SARS1: variants seen among roughly 807,000 people sequenced by gnomAD.
SARS1 encodes seryl-tRNA synthetase 1.
A neutral mutation model predicts 63.7 loss-of-function variants in SARS1; 25 were observed. The observed-to-expected ratio is 0.39, with a 90% confidence interval of 0.29 to 0.55. The LOEUF (loss-of-function observed/expected upper bound fraction) is 0.55, where lower values mean the gene tolerates loss of function less well. SARS1 is among the 20% of genes least tolerant of loss of function. The pLI is 0.62. For missense variants in SARS1, 417 were observed against 649.7 expected (o/e 0.64, Z 3.89); for synonymous variants, 231 against 243.5 (o/e 0.95, Z 0.48).
Position 109,214,236 on chromosome 1 carries a change from CT to C in SARS1, c.136+109del. The stretch of plus-strand genomic sequence containing the variant: ...CAGCTTCCACCCTTCGTCAGACCCC[CT>C]CCCAGGGTGCGGTGGCTCCGAGGTT... On this transcript the variant is annotated intron_variant, in intron 1 of 10. Transcript: ENST00000234677. This position sits in a 1 kb window ranked among gnomAD's most constrained non-coding sequence, Gnocchi z 4.6. The C allele has an allele frequency of 2.2e-6, 3 of 1,342,834 alleles. No homozygotes were observed. The highest frequency in any genetic ancestry group is 3.0e-6 in the Non-Finnish European group (3 of 988,890). 83.2% of individuals were successfully genotyped at this position (1,342,834 alleles called of 1,614,324 possible).
chr1:109,215,024 G>T (rs766075285), intron 1 of SARS1: 40 of 985,374 alleles, frequency 4.1e-5, no homozygotes, highest in Non-Finnish European at 4.6e-5. Context: ...AACCATCTGG[G>T]AGCTAGGTCG....
rs1654743359 is a variant in SARS1, at chr1:109,214,608, A to T, written c.136+480A>T. The T allele has an allele frequency of 1.0e-6, 1 of 985,948 alleles. No individual in the cohort carries two copies. Among genetic ancestry groups the T allele is most frequent in the South Asian group, 4.7e-5 (1 of 21,346 alleles). The allele number at this position is 985,948 out of a possible 1,614,324, so 61.1% of individuals were successfully genotyped here. A position where few individuals can be genotyped will look rare whatever the true frequency, so the allele number is the denominator to read the frequency against. Reference sequence around the variant, plus strand: ...AACACAGTAGATTCATTCCTTCGGTATCGGAAGCATTTCGGGGCGTTGGAG... The same window carrying T: ...AACACAGTAGATTCATTCCTTCGGTTTCGGAAGCATTTCGGGGCGTTGGAG... On this transcript the variant is annotated intron_variant, in intron 1 of 10. Coordinates refer to ENST00000234677, the MANE Select transcript of SARS1 (RefSeq NM_006513.4). The surrounding 1 kb of genome is among the most constrained non-coding windows in gnomAD (Gnocchi z 4.6).
intron 5 of SARS1, 179 bp from the exon 6 acceptor site, chr1:109,231,451 GT>G (rs1254449397): frequency 6.8e-6 from 3 of 443,830 alleles, no homozygotes; most frequent in Admixed American, 8.5e-5. Flanking sequence ...GGGCTTCAGT[GT>G]TCAGAACGAA....
Position 109,236,120 on chromosome 1 carries a change from C to G in SARS1, c.1099+14C>G. 1 of 1,606,444 alleles carries G rather than the reference C, an allele frequency of 6.2e-7. No homozygotes were observed. Among genetic ancestry groups the G allele is most frequent in the Non-Finnish European group, 8.5e-7 (1 of 1,176,782 alleles). ...ATATTGTCTCAGGTATGGGACCCAG[C>G]CTCTTCTCAGCCTCCCTTTCCTGTA... On this transcript the variant is annotated intron_variant, in intron 8 of 10. Transcript: ENST00000234677.
intron 2 of SARS1, among the ~76,000 whole-genome samples, chr1:109,225,633 C>CA (rs1655047589): frequency 6.6e-6 from 1 of 152,202 alleles, no homozygotes; most frequent in Admixed American, 6.5e-5. Flanking sequence ...GTAGAGCACT[C>CA]GAAAGCATTC....
At chr1:109,222,895 G>T (rs890296090) in intron 1 of SARS1, among the ~76,000 whole-genome samples, 3 of 152,140 alleles carry the variant, frequency 2.0e-5, no homozygotes, top group Non-Finnish European at 4.4e-5. Context: ...CACACCTGTA[G>T]TCCTAGCTGC....
At chr1:109,221,970 GTATATATATATA>G (rs773937466) in intron 1 of SARS1, among the ~76,000 whole-genome samples, 1,706 of 27,860 alleles carry the variant, frequency 0.061, 153 homozygotes, top group African/African-American at 0.1. Context: ...TTGTGTGTGT[GTATATATATATA>G]TATATATATA....
chr1:109,228,214 T>C (rs1438125482), intron 2 of SARS1, 138 bp from the exon 3 acceptor site: 6 of 642,602 alleles, frequency 9.3e-6, no homozygotes, highest in Non-Finnish European at 1.5e-5. Flanking sequence ...TTTTCCTACA[T>C]GTTGTATCTT....
At chr1:109,219,711 C>T (rs2485323) in intron 1 of SARS1, among the ~76,000 whole-genome samples, 35,449 of 151,840 alleles carry the variant, frequency 0.23, 4,367 homozygotes, top group East Asian at 0.43. Context: ...GCTGGGGTTT[C>T]ACCATGTTAG....
rs1006708221 is a variant in SARS1 at position 109,229,405 on chromosome 1, C to G, written c.289-9C>G. 1 of 1,613,344 alleles carries G rather than the reference C, an allele frequency of 6.2e-7. No individual in the cohort carries two copies. The highest frequency in any genetic ancestry group is 8.5e-7 in the Non-Finnish European group (1 of 1,179,712). Reference sequence around the variant, plus strand: ...GTCCTGCTTATGGGCCTGGCCTGTTCATCTGCAGAACCTGAAAGTCTCACA... The same window carrying G: ...GTCCTGCTTATGGGCCTGGCCTGTTGATCTGCAGAACCTGAAAGTCTCACA... On this transcript the variant is annotated splice_polypyrimidine_tract_variant and intron_variant, in intron 3 of 10. Transcript: ENST00000234677.
intron 5 of SARS1, 23 bp from the exon 6 acceptor site, chr1:109,231,608 G>A (rs1456735868): frequency 8.9e-6 from 13 of 1,465,620 alleles, no homozygotes; most frequent in East Asian, 2.6e-5. Flanking sequence ...CAATCACATA[G>A]TACTGTGTCT....
At chr1:109,231,172 C>A in intron 5 of SARS1, 151 bp downstream of exon 5, 1 of 391,044 alleles carries the variant, frequency 2.6e-6, no homozygotes. Context: ...AATGTATTGG[C>A]AATTAGATGC....
At chr1:109,217,255 C>G (rs1186953453) in intron 1 of SARS1, 1 of 511,008 alleles carries the variant, frequency 2.0e-6, no homozygotes, top group East Asian at 1.5e-4. Context: ...TACACATACC[C>G]TACTGAATAT....
At chr1:109,215,683 T>A in intron 1 of SARS1, 1 of 938,452 alleles carries the variant, frequency 1.1e-6, no homozygotes, top group East Asian at 1.2e-4. Flanking sequence ...ATCCTAAATG[T>A]GAAGTCATTT....
chr1:109,223,158 G>A (rs764274391), intron 1 of SARS1, among the ~76,000 whole-genome samples: 1 of 152,190 alleles, frequency 6.6e-6, no homozygotes, highest in Non-Finnish European at 1.5e-5. Flanking sequence ...ACCAGTTAGT[G>A]CCTGTCTTCC....
At chr1:109,231,426 C>T in intron 5 of SARS1, 1 of 398,084 alleles carries the variant, frequency 2.5e-6, no homozygotes. Context: ...TAACGGTGTG[C>T]CTGGATGATT....
intron 1 of SARS1, among the ~76,000 whole-genome samples, chr1:109,221,122 G>T (rs1235455947): frequency 1.3e-5 from 2 of 149,598 alleles, no homozygotes; most frequent in African/African-American, 5.0e-5. Context: ...ATGCAGTGGC[G>T]TGACCTCAGC....
In SARS1 at chr1:109,237,926, G is replaced by A; in HGVS notation, c.*38G>A. Reference sequence around the variant, plus strand: ...CCCTATTTGCCAGGCTTTCATTTCTGTCTGCTGAGATCTCAGAGCCTGCCC... The same window carrying A: ...CCCTATTTGCCAGGCTTTCATTTCTATCTGCTGAGATCTCAGAGCCTGCCC... On this transcript the variant is annotated 3_prime_UTR_variant, in exon 11 of 11. Coordinates refer to ENST00000234677, the MANE Select transcript of SARS1 (RefSeq NM_006513.4). This position sits in a 1 kb window ranked among gnomAD's most constrained non-coding sequence, Gnocchi z 4.1. 6.2e-7 allele frequency: 1 copy of A among 1,609,046 alleles called. No individual in the cohort carries two copies. The highest frequency in any genetic ancestry group is 8.5e-7 in the Non-Finnish European group (1 of 1,177,048).
In SARS1 at chr1:109,219,262, C is replaced by CATATATATATATATATATATAT. The variant is rs142272817; in HGVS notation, c.137-4710_137-4689dup. 4.9e-3 allele frequency among the ~76,000 whole-genome samples: 379 copies of CATATATATATATATATATATAT among 76,736 alleles called. 6 individuals carry two copies. Among genetic ancestry groups the CATATATATATATATATATATAT allele is most frequent in the Non-Finnish European group, 6.4e-3 (228 of 35,630 alleles). The allele number at this position is 76,736 out of a possible 152,430, so 50.3% of individuals were successfully genotyped here. A position where few individuals can be genotyped will look rare whatever the true frequency, so the allele number is the denominator to read the frequency against. ...GCCTGGGCGATAGAGCAAGACTCTCCATATATATATATATATATATATATA... is the reference window on the plus strand; with the variant it reads ...GCCTGGGCGATAGAGCAAGACTCTCCATATATATATATATATATATATATATATATATATATATATATATATA... On this transcript the variant is annotated intron_variant, in intron 1 of 10. Coordinates refer to ENST00000234677, the MANE Select transcript of SARS1 (RefSeq NM_006513.4).
Sources: gnomAD v4.1 joint callset for allele counts (sites outside exome capture counted in the v4.1 genomes callset) on GRCh38, gnomAD v4.1.1 for gene constraint, Gnocchi (gnomAD v3.1) non-coding constraint, MANE v1.5 for transcripts, NCBI Gene and HGNC (gene_info 2026-07-23, HGNC 2026-07-21) for gene names.